Variants in KIAA0825 observed in about 807,000 individuals in gnomAD.
The protein encoded by KIAA0825 is KIAA0825, also known as uncharacterized protein KIAA0825.
Under a neutral mutation model 147.6 loss-of-function variants are expected in KIAA0825, and 119 were observed. The observed-to-expected ratio is 0.81, with a 90% CI of 0.69 to 0.94. The LOEUF is 0.94. KIAA0825 is among the 40% of genes least tolerant of loss of function. The probability of loss-of-function intolerance (pLI) is 0.00; values close to 1 mark genes in which losing one functional copy is unlikely to be tolerated. For synonymous variants in KIAA0825, 470 were observed against 518.1 expected (o/e 0.91, Z 1.26); for missense variants, 1,381 against 1,472.7 (o/e 0.94, Z 1.02).
At chr5:94,499,590 G>GGC (rs1562562496) in intron 5 of KIAA0825, among the ~76,000 whole-genome samples, 5 of 147,342 alleles carry the variant, frequency 3.4e-5, no homozygotes, top group Non-Finnish European at 7.5e-5. Flanking sequence ...CAATCTGGGG[G>GGC]GGGGGGGGGA....
chr5:94,273,614 T>C (rs1324410435), intron 20 of KIAA0825, among the ~76,000 whole-genome samples: 1 of 152,126 alleles, frequency 6.6e-6, no homozygotes, highest in Non-Finnish European at 1.5e-5. Flanking sequence ...TGTTTATCTA[T>C]CAAAATCATA....
chr5:94,476,708 T>G (rs1485697831), intron 7 of KIAA0825, among the ~76,000 whole-genome samples: 1 of 151,930 alleles, frequency 6.6e-6, no homozygotes, highest in African/African-American at 2.4e-5. Context: ...CAGAGCAGAG[T>G]GGTAACAGGT....
chr5:94,225,843 C>T (rs760165204), intron 20 of KIAA0825, among the ~76,000 whole-genome samples: 1 of 152,224 alleles, frequency 6.6e-6, no homozygotes, highest in African/African-American at 2.4e-5. Context: ...CCCTTCCTTA[C>T]ACCTTATACA....
At chr5:94,464,323 T>C (rs1302403449) in intron 11 of KIAA0825, among the ~76,000 whole-genome samples, 1 of 152,176 alleles carries the variant, frequency 6.6e-6, no homozygotes, top group African/African-American at 2.4e-5. Flanking sequence ...CTCCTCATTT[T>C]CTGTGATTTC....
At chr5:94,446,854 A>G (rs1010904180) in intron 13 of KIAA0825, among the ~76,000 whole-genome samples, 4 of 152,176 alleles carry the variant, frequency 2.6e-5, no homozygotes, top group Non-Finnish European at 5.9e-5. Flanking sequence ...TGTACACAGG[A>G]AAAATGCTAG....
rs566258920 is a variant in KIAA0825, at chr5:94,337,504, C to T, written c.3710+46864G>A. On this transcript the variant is annotated intron_variant, in intron 20 of 20. Coordinates refer to ENST00000682413, the MANE Select transcript of KIAA0825 (RefSeq NM_001145678.3). ...TTATTCTTTGACACTTTTTAAAGAG[C>T]TTATCAAGTTAGTTCTGTAATTTAT... Among the ~76,000 whole-genome samples, 5 of 152,212 alleles carry T rather than the reference C, an allele frequency of 3.3e-5. No individual in the cohort carries two copies. The South Asian group carries it at 1.0e-3, about 32-fold the overall frequency.
At chr5:94,520,052 A>G in intron 5 of KIAA0825, 196 bp downstream of exon 5, 2 of 1,134,734 alleles carry the variant, frequency 1.8e-6, no homozygotes, top group Middle Eastern at 3.3e-4. Context: ...TTAACAATTT[A>G]ATAAGAAAGA....
chr5:94,333,440 G>T (rs760864600), intron 20 of KIAA0825, among the ~76,000 whole-genome samples: 1 of 150,694 alleles, frequency 6.6e-6, no homozygotes, highest in Non-Finnish European at 1.5e-5. Flanking sequence ...CGGTTTTTTT[G>T]CATATAGCTA....
chr5:94,438,091 C>A (rs1188556754), intron 14 of KIAA0825, among the ~76,000 whole-genome samples: 3 of 152,144 alleles, frequency 2.0e-5, no homozygotes, highest in Admixed American at 2.0e-4. Context: ...CAATTCTTCC[C>A]AATACTACGC....
chr5:94,158,851 C>T (rs540937253), intron 20 of KIAA0825, among the ~76,000 whole-genome samples: 36 of 152,196 alleles, frequency 2.4e-4, no homozygotes, highest in African/African-American at 7.0e-4. Flanking sequence ...AGATTAAACA[C>T]ACATAAAACA....
At chr5:94,433,262 C>T (rs949644791) in intron 14 of KIAA0825, among the ~76,000 whole-genome samples, 7 of 152,068 alleles carry the variant, frequency 4.6e-5, no homozygotes, top group Non-Finnish European at 8.8e-5. Flanking sequence ...CTCCTGACCT[C>T]GTGATCCGCC....
At chr5:94,594,361 T>G in intron 1 of KIAA0825, 1 of 749,370 alleles carries the variant, frequency 1.3e-6, no homozygotes. Flanking sequence ...CAACAGCAGA[T>G]TTATAAAATG....
At chr5:94,314,101 C>T (rs977125865) in intron 20 of KIAA0825, among the ~76,000 whole-genome samples, 1 of 151,650 alleles carries the variant, frequency 6.6e-6, no homozygotes, top group East Asian at 1.9e-4. Flanking sequence ...CCACCTTCAA[C>T]TTCTCTGAAG....
intron 20 of KIAA0825, among the ~76,000 whole-genome samples, chr5:94,368,396 C>A (rs62364581): frequency 0.015 from 2,332 of 152,258 alleles, 24 homozygotes; most frequent in Middle Eastern, 0.027. Context: ...TAGTCTCGAA[C>A]TCCTAGGCTC....
chr5:94,395,978 A>G (rs1750602226), intron 17 of KIAA0825, 123 bp downstream of exon 17: 1 of 842,266 alleles, frequency 1.2e-6, no homozygotes, highest in African/African-American at 1.8e-5. Flanking sequence ...ATATTCATCA[A>G]AGCTGCCATG....
chr5:94,593,619 C>A, intron 1 of KIAA0825: 2 of 483,008 alleles, frequency 4.1e-6, no homozygotes, highest in South Asian at 2.3e-5. Context: ...AGCTAACCAA[C>A]GAGTAAGCCC....
intron 20 of KIAA0825, among the ~76,000 whole-genome samples, chr5:94,177,336 G>A (rs911741882): frequency 1.3e-5 from 2 of 152,064 alleles, no homozygotes; most frequent in African/African-American, 4.8e-5. Flanking sequence ...ATTGCATACT[G>A]TCAAATAGTT....
chr5:94,592,403 T>C (rs948426971), intron 1 of KIAA0825, among the ~76,000 whole-genome samples: 1 of 152,120 alleles, frequency 6.6e-6, no homozygotes, highest in Non-Finnish European at 1.5e-5. Context: ...CTGCAGTGCA[T>C]GCTGCTCTCG....
intron 20 of KIAA0825, among the ~76,000 whole-genome samples, chr5:94,271,819 T>C (rs1275084248): frequency 6.6e-6 from 1 of 152,074 alleles, no homozygotes; most frequent in Non-Finnish European, 1.5e-5. Context: ...CCAAGGTATA[T>C]ACCGAAAAGA....
Sources: gnomAD v4.1 joint callset for allele counts (sites outside exome capture counted in the v4.1 genomes callset) on GRCh38, gnomAD v4.1.1 for gene constraint, MANE v1.5 for transcripts, NCBI Gene and HGNC (gene_info 2026-07-23, HGNC 2026-07-21) for gene names.